The following ARSB variants were observed in gnomAD, a reference collection of about 807,000 sequenced individuals.
ARSB encodes the protein N-acetylgalactosamine-4-sulfatase.
A neutral mutation model predicts 50.9 loss-of-function variants in ARSB; 41 were observed. That is an observed-to-expected ratio of 0.81 (90% CI 0.63 to 1.04). ARSB has a LOEUF of 1.04. Ranked by LOEUF, ARSB falls within the 50% of genes least tolerant of loss-of-function variation. The pLI, the probability that ARSB is intolerant of heterozygous loss-of-function variation, is 0.00. For synonymous variants in ARSB, 269 were observed against 284.8 expected (o/e 0.94, Z 0.56); for missense variants, 672 against 693.3 (o/e 0.97, Z 0.35).
chr5:78,934,091 T>C (rs995855975), intron 4 of ARSB, among the ~76,000 whole-genome samples: 2 of 151,586 alleles, frequency 1.3e-5, no homozygotes, highest in South Asian at 2.1e-4. Context: ...CCACAGGGAG[T>C]TGAGTTCTCC....
chr5:78,977,169 C>G lies in ARSB; in HGVS notation c.312+7768G>C, dbSNP rs6873893. 3.3e-4 allele frequency among the ~76,000 whole-genome samples: 49 copies of G among 150,404 alleles called. 1 individual carries two copies. Among genetic ancestry groups the G allele is most frequent in the African/African-American group, 9.7e-4 (39 of 40,406 alleles). ...TTTCTTTCTTTCCCCACTTCCCCCC[C>G]GCGAGATGGAGTCTTGCTCTGTTGC... On this transcript the variant is annotated intron_variant, in intron 1 of 7. Coordinates refer to ENST00000264914, the MANE Select transcript of ARSB (RefSeq NM_000046.5).
chr5:78,802,714 C>T (rs1312546176), intron 6 of ARSB, among the ~76,000 whole-genome samples: 1 of 152,106 alleles, frequency 6.6e-6, no homozygotes, highest in African/African-American at 2.4e-5. Flanking sequence ...TCTTGAGGGG[C>T]CTTAGACATC....
chr5:78,789,912 A>G (rs1177128180), intron 6 of ARSB, among the ~76,000 whole-genome samples: 2 of 152,192 alleles, frequency 1.3e-5, no homozygotes, highest in East Asian at 3.8e-4. Flanking sequence ...TCCCCAAGAC[A>G]GAAAGAATGA....
intron 5 of ARSB, among the ~76,000 whole-genome samples, chr5:78,839,988 A>C (rs1305838310): frequency 6.6e-6 from 1 of 152,198 alleles, no homozygotes; most frequent in East Asian, 1.9e-4. Flanking sequence ...ATACAATCAC[A>C]ACCTACATTT....
At chr5:78,888,262 G>A (rs1351734423) in intron 4 of ARSB, among the ~76,000 whole-genome samples, 1 of 152,190 alleles carries the variant, frequency 6.6e-6, no homozygotes. Context: ...TATTGAAGCT[G>A]AGCAGACCCG....
At chr5:78,793,115 T>A (rs774162489) in intron 6 of ARSB, among the ~76,000 whole-genome samples, 1 of 152,192 alleles carries the variant, frequency 6.6e-6, no homozygotes, top group Non-Finnish European at 1.5e-5. Context: ...TGGCCTAACA[T>A]AGGCTGCCTG....
At chr5:78,904,467 C>T (rs1285772444) in intron 4 of ARSB, among the ~76,000 whole-genome samples, 1 of 151,570 alleles carries the variant, frequency 6.6e-6, no homozygotes, top group Non-Finnish European at 1.5e-5. Flanking sequence ...TTTCACTGAG[C>T]TTCTTGAATT....
At chr5:78,900,193 A>C (rs1748739924) in intron 4 of ARSB, among the ~76,000 whole-genome samples, 1 of 152,070 alleles carries the variant, frequency 6.6e-6, no homozygotes, top group Admixed American at 6.5e-5. Flanking sequence ...GAACCTGTGG[A>C]ATGTACCTCC....
chr5:78,797,656 C>T, intron 6 of ARSB, among the ~76,000 whole-genome samples: 1 of 152,172 alleles, frequency 6.6e-6, no homozygotes, highest in East Asian at 1.9e-4. Flanking sequence ...TTCTGCTGCC[C>T]CCGTGAGCCA....
chr5:78,852,302 T>G (rs1313181911), intron 5 of ARSB, among the ~76,000 whole-genome samples: 3 of 152,184 alleles, frequency 2.0e-5, no homozygotes, highest in Admixed American at 6.5e-5. Flanking sequence ...ATTTTATTTC[T>G]CCTTCACTTA....
At chr5:78,923,863 C>T (rs1749935221) in intron 4 of ARSB, among the ~76,000 whole-genome samples, 2 of 152,134 alleles carry the variant, frequency 1.3e-5, no homozygotes, top group Non-Finnish European at 2.9e-5. Flanking sequence ...TGCTACCCTA[C>T]AGTATTATGT....
intron 6 of ARSB, among the ~76,000 whole-genome samples, chr5:78,819,371 T>C (rs1396758529): frequency 6.6e-6 from 1 of 152,176 alleles, no homozygotes; most frequent in East Asian, 1.9e-4. Flanking sequence ...AACAATGCAG[T>C]TGCTGTTTCA....
rs1219556166 is a variant in ARSB, at chr5:78,981,213, G to A, written c.312+3724C>T. 4.3e-4 allele frequency among the ~76,000 whole-genome samples: 2 copies of A among 4,652 alleles called. 1 individual carries two copies. Among genetic ancestry groups the A allele is most frequent in the Non-Finnish European group, 6.9e-4 (2 of 2,878 alleles). The allele number at this position is 4,652 out of a possible 152,430, so 3.1% of individuals were successfully genotyped here. ...GATCCGCCCGCCTCGGCCTCCCAAAGTGCTGGGATTACAGGCGTGAGCCAC... is the reference window on the plus strand; with the variant it reads ...GATCCGCCCGCCTCGGCCTCCCAAAATGCTGGGATTACAGGCGTGAGCCAC... On this transcript the variant is annotated intron_variant, in intron 1 of 7. Transcript: ENST00000264914.
chr5:78,842,868 C>T (rs1298565761), intron 5 of ARSB, among the ~76,000 whole-genome samples: 1 of 149,842 alleles, frequency 6.7e-6, no homozygotes, highest in Non-Finnish European at 1.5e-5. Flanking sequence ...TATCAATAAT[C>T]TCCACTTTCT....
At chr5:78,930,644 C>T (rs1750281268) in intron 4 of ARSB, among the ~76,000 whole-genome samples, 1 of 152,144 alleles carries the variant, frequency 6.6e-6, no homozygotes, top group South Asian at 2.1e-4. Context: ...AAAAAAGAGT[C>T]CTACAAGGTT....
intron 2 of ARSB, 80 bp from the exon 3 acceptor site, chr5:78,964,686 A>T: frequency 7.7e-7 from 1 of 1,303,972 alleles, no homozygotes; most frequent in Non-Finnish European, 1.1e-6. Context: ...TTAATTGCCT[A>T]ATGCAATTGA....
At chr5:78,878,442 C>A (rs1171665916) in intron 5 of ARSB, among the ~76,000 whole-genome samples, 1 of 152,126 alleles carries the variant, frequency 6.6e-6, no homozygotes, top group Non-Finnish European at 1.5e-5. Flanking sequence ...CAAGACAGAG[C>A]ACAGTACTCA....
chr5:78,958,011 A>G (rs1406515064), intron 3 of ARSB, among the ~76,000 whole-genome samples: 2 of 152,060 alleles, frequency 1.3e-5, no homozygotes, highest in African/African-American at 4.8e-5. Context: ...TATATAAAAA[A>G]ACTTTTTTGG....
intron 5 of ARSB, chr5:78,885,380 G>A (rs1047412415): frequency 2.3e-5 from 17 of 753,444 alleles, no homozygotes; most frequent in Middle Eastern, 4.0e-4. Flanking sequence ...TGTTCTTCAC[G>A]TAAAACACAG....
Sources: allele counts gnomAD v4.1 joint callset (sites outside exome capture counted in the v4.1 genomes callset), GRCh38; gene constraint gnomAD v4.1.1; transcripts MANE v1.5; gene names NCBI Gene and HGNC (gene_info 2026-07-23, HGNC 2026-07-21).